The following DCTN1 variants were observed in gnomAD, a reference collection of about 807,000 sequenced individuals.
The protein encoded by DCTN1 is dynactin subunit 1, also known as 150 kDa dynein-associated polypeptide.
Under a neutral mutation model 161.2 loss-of-function variants are expected in DCTN1, and 61 were observed. The ratio of observed to expected loss-of-function variants is 0.38; its 90% CI spans 0.31 to 0.47. The LOEUF is 0.47. Among genes scored for constraint, DCTN1 ranks in the 20% least tolerant of loss-of-function variants. The probability of loss-of-function intolerance (pLI) is 0.99; values close to 1 mark genes in which losing one functional copy is unlikely to be tolerated. For missense variants in DCTN1, 1,404 were observed against 1,623.7 expected (o/e 0.86, Z 2.33); for synonymous variants, 653 against 632.4 (o/e 1.03, Z -0.49).
intron 1 of DCTN1, among the ~76,000 whole-genome samples, chr2:74,390,198 G>A (rs1458099222): frequency 6.6e-6 from 1 of 152,034 alleles, no homozygotes. Context: ...AAACATAATG[G>A]AAGAATTAAA....
rs747638337 is a variant in DCTN1 at position 74,361,625 on chromosome 2, C to T, written c.3711G>A (p.Glu1237=). ...PSSAFLRAKE[E]QQDDTVYMGK... is the part of the protein sequence containing the mutation. ...CCATGTAGACTGTGTCATCCTGCTG[C>T]TCCTCCTTGGCCTGGTGGTTGATGA... Residue 1237 remains glutamate (E), a synonymous_variant, in exon 32 of 32, where the codon GAG becomes GAA. Coordinates refer to ENST00000628224, the MANE Select transcript of DCTN1 (RefSeq NM_004082.5). The T allele has an allele frequency of 3.1e-5, 50 of 1,614,032 alleles. 1 individual carries two copies. In the South Asian group the frequency reaches 5.3e-4, roughly 17 times the overall value.
upstream of DCTN1, among the ~76,000 whole-genome samples, chr2:74,381,850 C>G (rs950431195): frequency 8.5e-5 from 13 of 152,144 alleles, no homozygotes; most frequent in Non-Finnish European, 2.9e-5. Context: ...TCCAGGACAC[C>G]GCCTGGTATT....
In DCTN1 at chr2:74,361,620, T is replaced by C; in HGVS notation, c.3716A>G (p.Gln1239Arg). 6.2e-7 allele frequency: 1 copy of C among 1,614,174 alleles called. No individual in the cohort carries two copies. The highest frequency in any genetic ancestry group is 8.5e-7 in the Non-Finnish European group (1 of 1,180,026). ...SAFLRAKEEQ[Q>R]DDTVYMGKVT... ...TTTGCCCATGTAGACTGTGTCATCC[T>C]GCTGCTCCTCCTTGGCCTGGTGGTT... Residue 1239 changes from glutamine (Q) to arginine (R), a missense_variant, in exon 32 of 32, where the codon CAG becomes CGG. Coordinates refer to ENST00000628224, the MANE Select transcript of DCTN1 (RefSeq NM_004082.5).
intron 1 of DCTN1, among the ~76,000 whole-genome samples, chr2:74,379,702 C>CT (rs1327952151): frequency 6.6e-6 from 1 of 152,198 alleles, no homozygotes; most frequent in Non-Finnish European, 1.5e-5. Flanking sequence ...TAAGACCTCT[C>CT]TGAGCCATCA....
At position 74,365,991 on chromosome 2, in the gene DCTN1, C is replaced by G. The variant is rs1414906358; in HGVS notation, c.2788G>C (p.Ala930Pro). The G allele has an allele frequency of 1.2e-6, 2 of 1,614,260 alleles. No individual in the cohort carries two copies. The highest frequency in any genetic ancestry group is 2.2e-5 in the East Asian group (1 of 44,892). Residue 930 changes from alanine to proline, a missense_variant, in exon 24 of 32, where the codon GCC (alanine) becomes CCC (proline). Transcript: ENST00000628224. ...KPPPVELRAA[A>P]LRAEITDAEG... The stretch of plus-strand genomic sequence containing the variant: ...GCATCTGTGATCTCTGCACGAAGGG[C>G]AGCAGCCCGCAGTTCAACCGGTGGA...
At chr2:74,368,705 A>C (rs774863924) in intron 16 of DCTN1, 23 bp downstream of exon 16, 2 of 1,614,238 alleles carry the variant, frequency 1.2e-6, no homozygotes, top group South Asian at 2.2e-5. Context: ...ATTTCTGTGG[A>C]ACATGTGATT....
At chr2:74,374,130 C>CA in intron 6 of DCTN1, 193 bp downstream of exon 6, 1 of 662,496 alleles carries the variant, frequency 1.5e-6, no homozygotes, top group Non-Finnish European at 2.8e-6. Context: ...CAAAAGCAGG[C>CA]AAGGCAGTAA....
At position 74,377,546 on chromosome 2, in the gene DCTN1, C is replaced by T. The variant is rs3213672; in HGVS notation, c.359-80G>A. 184,579 of 1,530,338 alleles carry T rather than the reference C, an allele frequency of 0.12. 19,281 individuals carry two copies. The highest frequency in any genetic ancestry group is 0.51 in the East Asian group (22,846 of 44,406). The allele number at this position is 1,530,338 out of a possible 1,614,324, so 94.8% of individuals were successfully genotyped here. Reference sequence around the variant, plus strand: ...ATATAATAAGGGAATATGGTAGTGACGGAAAAAAATCTTAGGATCTACTGT... The same window carrying T: ...ATATAATAAGGGAATATGGTAGTGATGGAAAAAAATCTTAGGATCTACTGT... On this transcript the variant is annotated intron_variant, in intron 3 of 31. Transcript: ENST00000628224.
intron 16 of DCTN1, 98 bp from the exon 17 acceptor site, chr2:74,368,229 T>C (rs891140641): frequency 2.7e-6 from 4 of 1,460,494 alleles, no homozygotes; most frequent in South Asian, 1.2e-5. Context: ...GTGGGGAGCA[T>C]GGACACACAT....
chr2:74,383,294 C>T (rs995276521), upstream of DCTN1, among the ~76,000 whole-genome samples: 3 of 152,156 alleles, frequency 2.0e-5, no homozygotes, highest in Admixed American at 1.3e-4. Context: ...ACACCTTTTC[C>T]TCTTTATGAT....
Position 74,370,318 on chromosome 2 carries a change from C to T in DCTN1, c.1155G>A (p.Lys385=), listed in dbSNP as rs763048243. The change falls in exon 12 of 32, where the codon AAG becomes AAA. Residue 385 remains lysine, a synonymous_variant. Transcript: ENST00000628224. This position sits in a 1 kb window ranked among gnomAD's most constrained non-coding sequence, Gnocchi z 4.4. ...VRMRDLSSSE[K]QEHVKLQKLM... The stretch of plus-strand genomic sequence containing the variant: ...GCTTCTGGAGCTTCACATGCTCCTG[C>T]TTCTCTGAGGAAGAAAGATCCCGCA... 32 of 1,613,926 alleles carry T rather than the reference C, an allele frequency of 2.0e-5. No homozygotes were observed. Among genetic ancestry groups the T allele is most frequent in the Non-Finnish European group, 2.5e-5 (30 of 1,180,052 alleles).
At chr2:74,367,943 TG>T (rs1318482412) in intron 17 of DCTN1, 27 bp downstream of exon 17, 1 of 1,614,180 alleles carries the variant, frequency 6.2e-7, no homozygotes, top group East Asian at 2.2e-5. Context: ...ACCCCCACCC[TG>T]GGGTGAGGGA....
chr2:74,373,856 G>A (rs1675045942), intron 6 of DCTN1, among the ~76,000 whole-genome samples: 1 of 152,212 alleles, frequency 6.6e-6, no homozygotes, highest in Admixed American at 6.5e-5. Context: ...GTGGGTCAAA[G>A]ACTATTCTAG....
chr2:74,366,227 A>G lies in DCTN1; in HGVS notation c.2760+17T>C. On this transcript the variant is annotated intron_variant, in intron 23 of 31. Coordinates refer to ENST00000628224, the MANE Select transcript of DCTN1 (RefSeq NM_004082.5). ...CCTACAGGCCTCTGCAACTTCTCCA[A>G]GGAAATCTCCACCTACCTTGCTGGG... The G allele has an allele frequency of 6.2e-7, 1 of 1,613,984 alleles. No homozygotes were observed.
At position 74,361,406 on chromosome 2, in the gene DCTN1, T is replaced by C. The variant is rs1185572410; in HGVS notation, c.*93A>G. The C allele has an allele frequency of 6.3e-7, 1 of 1,586,820 alleles. No homozygotes were observed. The highest frequency in any genetic ancestry group is 8.6e-7 in the Non-Finnish European group (1 of 1,162,800). On this transcript the variant is annotated 3_prime_UTR_variant, in exon 32 of 32. Coordinates refer to ENST00000628224, the MANE Select transcript of DCTN1 (RefSeq NM_004082.5). ...CGGGGCAGGAAGAGCTTAACCCACG[T>C]TTCTACCTGGGGGCTGGCTGAGGTG...
intron 19 of DCTN1, 50 bp from the exon 20 acceptor site, chr2:74,367,157 G>T: frequency 6.2e-7 from 1 of 1,608,252 alleles, no homozygotes; most frequent in Non-Finnish European, 8.5e-7. Flanking sequence ...GAGCCCTTCT[G>T]CCTTATCAAC....
In DCTN1 at chr2:74,361,244, C is replaced by T. The variant is rs1310404638; in HGVS notation, c.*255G>A. On this transcript the variant is annotated 3_prime_UTR_variant, in exon 32 of 32. Coordinates refer to ENST00000628224, the MANE Select transcript of DCTN1 (RefSeq NM_004082.5). ...TTTGGTGGTGGGGTCTCAGCCTACC[C>T]CCCACAAGCCCTGAGGCCCCTCAGG... 1.4e-5 allele frequency: 9 copies of T among 637,022 alleles called. No homozygotes were observed. Among genetic ancestry groups the T allele is most frequent in the African/African-American group, 7.2e-5 (4 of 55,912 alleles). The allele number at this position is 637,022 out of a possible 1,614,324, so 39.5% of individuals were successfully genotyped here.
In DCTN1 at chr2:74,370,523, C is replaced by A; in HGVS notation, c.1070G>T (p.Ser357Ile). Residue 357 changes from serine to isoleucine, a missense_variant, in exon 11 of 32, where the codon AGT becomes ATT. Around this residue, in one of 9 missense-constraint regions of DCTN1, gnomAD observed 278 missense variants for 363.8 expected, o/e 0.76. Coordinates refer to ENST00000628224, the MANE Select transcript of DCTN1 (RefSeq NM_004082.5). The surrounding 1 kb of genome is among the most constrained non-coding windows in gnomAD (Gnocchi z 4.4). ...EEKGSDGAASSYQLKQLEEQN... is the reference protein window; with the variant it reads ...EEKGSDGAASIYQLKQLEEQN... Reference sequence around the variant, plus strand: ...CTCCTCAAGCTGCTTGAGCTGATAACTGGATGCAGCGCCATCTGAGCCTGG... The same window carrying A: ...CTCCTCAAGCTGCTTGAGCTGATAAATGGATGCAGCGCCATCTGAGCCTGG... 1.2e-6 allele frequency: 2 copies of A among 1,614,180 alleles called. No individual in the cohort carries two copies. The highest frequency in any genetic ancestry group is 1.7e-6 in the Non-Finnish European group (2 of 1,180,038).
upstream of DCTN1, among the ~76,000 whole-genome samples, chr2:74,382,647 C>T (rs1309331950): frequency 6.7e-6 from 1 of 148,730 alleles, no homozygotes; most frequent in Admixed American, 6.7e-5. Flanking sequence ...TATAGAACTG[C>T]AAAGAATTAC....
Sources: gnomAD v4.1 joint callset for allele counts (sites outside exome capture counted in the v4.1 genomes callset) on GRCh38, gnomAD v4.1.1 for gene constraint, gnomAD v4.1.1 regional missense constraint, Gnocchi (gnomAD v3.1) non-coding constraint, MANE v1.5 for transcripts, NCBI Gene and HGNC (gene_info 2026-07-23, HGNC 2026-07-21) for gene names.